Variants in GAS7 observed in about 807,000 individuals in gnomAD.
The protein encoded by GAS7 is growth arrest-specific protein 7.
A neutral mutation model predicts 71.1 loss-of-function variants in GAS7; 28 were observed. The observed-to-expected ratio is 0.39, with a 90% CI of 0.29 to 0.54. GAS7 has a LOEUF of 0.54. Among genes scored for constraint, GAS7 ranks in the 20% least tolerant of loss-of-function variants. The pLI, the probability that GAS7 is intolerant of heterozygous loss-of-function variation, is 0.62. For synonymous variants in GAS7, 258 were observed against 245.8 expected (o/e 1.05, Z -0.46); for missense variants, 436 against 627.8 (o/e 0.69, Z 3.27).
At position 10,060,544 on chromosome 17, in the gene GAS7, C is replaced by T. The variant is rs748015300; in HGVS notation, c.184-40647G>A. 3.3e-5 allele frequency among the ~76,000 whole-genome samples: 5 copies of T among 152,128 alleles called. No homozygotes were observed. In the South Asian group the frequency reaches 6.2e-4, roughly 19 times the overall value. ...ACACCTGGCCACCACCCAGAAAGCC[C>T]GCAGTCCCCAAGACAGAATGCCTAG... On this transcript the variant is annotated intron_variant, in intron 1 of 13. Transcript: ENST00000432992.
chr17:10,084,357 T>C (rs527550996), intron 1 of GAS7, among the ~76,000 whole-genome samples: 6 of 152,298 alleles, frequency 3.9e-5, no homozygotes, highest in Admixed American at 6.5e-5. Context: ...AAAGGGTCCG[T>C]TGAGATCAGC....
intron 1 of GAS7, among the ~76,000 whole-genome samples, chr17:10,169,910 C>T (rs976281286): frequency 6.6e-6 from 1 of 152,130 alleles, no homozygotes; most frequent in African/African-American, 2.4e-5. Context: ...CTGCTGCTTC[C>T]GTTCCTCACC....
intron 1 of GAS7, among the ~76,000 whole-genome samples, chr17:10,053,312 G>A (rs926215387): frequency 1.3e-5 from 2 of 152,142 alleles, no homozygotes; most frequent in African/African-American, 2.4e-5. Flanking sequence ...CTTGGCTCAC[G>A]TGCACTGCCC....
intron 1 of GAS7, among the ~76,000 whole-genome samples, chr17:10,106,791 C>G (rs1474223543): frequency 7.2e-6 from 1 of 138,104 alleles, no homozygotes; most frequent in African/African-American, 2.7e-5. Context: ...CCCCCCCCCC[C>G]AAATATATTA....
chr17:10,184,464 A>G (rs2074437801), intron 1 of GAS7, among the ~76,000 whole-genome samples: 1 of 152,240 alleles, frequency 6.6e-6, no homozygotes, highest in Admixed American at 6.5e-5. Flanking sequence ...AAAGAGAAAG[A>G]ATGAAAGTAA....
intron 2 of GAS7, among the ~76,000 whole-genome samples, chr17:10,015,007 T>A (rs1197405184): frequency 2.0e-5 from 3 of 151,608 alleles, no homozygotes; most frequent in African/African-American, 4.9e-5. Flanking sequence ...TACAAAAAAA[T>A]AGCTGGGTGT....
intron 2 of GAS7, among the ~76,000 whole-genome samples, chr17:9,984,459 G>A (rs1012546884): frequency 2.6e-5 from 4 of 152,160 alleles, no homozygotes; most frequent in African/African-American, 9.7e-5. Flanking sequence ...CAGAGACGGT[G>A]TGAACATAAA....
At chr17:10,117,246 A>G (rs2073868966) in intron 1 of GAS7, among the ~76,000 whole-genome samples, 1 of 151,678 alleles carries the variant, frequency 6.6e-6, no homozygotes, top group Admixed American at 6.6e-5. Context: ...ATCTCCTAAC[A>G]CTGATTCTGG....
At chr17:10,184,693 G>C (rs759370109) in intron 1 of GAS7, among the ~76,000 whole-genome samples, 8 of 152,078 alleles carry the variant, frequency 5.3e-5, no homozygotes, top group Non-Finnish European at 7.4e-5. Flanking sequence ...TCAAACCCTT[G>C]GAATTTCCTG....
intron 1 of GAS7, among the ~76,000 whole-genome samples, chr17:10,023,690 G>T (rs1435256555): frequency 1.3e-5 from 2 of 152,244 alleles, no homozygotes; most frequent in Non-Finnish European, 2.9e-5. Context: ...CTGGGGAGGG[G>T]AGAATGGGTA....
rs2067567677 is a variant in GAS7, at chr17:9,915,811, C to T, written c.*1417G>A. 3 of 230,938 alleles carry T rather than the reference C, an allele frequency of 1.3e-5. No homozygotes were observed. Among genetic ancestry groups the T allele is most frequent in the African/African-American group, 2.2e-5 (1 of 45,216 alleles). The allele number at this position is 230,938 out of a possible 1,614,324, so 14.3% of individuals were successfully genotyped here. On this transcript the variant is annotated 3_prime_UTR_variant, in exon 14 of 14. Transcript: ENST00000432992. ...GACTAGAATCTGCCCCTCGCTCATG[C>T]TTCTCCCGGCCCCTTTAGACTCTTT...
intron 1 of GAS7, among the ~76,000 whole-genome samples, chr17:10,083,862 G>A (rs907796443): frequency 6.6e-6 from 1 of 152,176 alleles, no homozygotes; most frequent in Non-Finnish European, 1.5e-5. Context: ...GGAAAGGGTA[G>A]GTATACATAA....
chr17:10,093,235 G>A (rs2073603410), intron 1 of GAS7, among the ~76,000 whole-genome samples: 1 of 152,190 alleles, frequency 6.6e-6, no homozygotes, highest in Non-Finnish European at 1.5e-5. Context: ...TTGCTTCTAT[G>A]AGTCCATTCA....
At chr17:10,120,453 T>G (rs2073895348) in intron 1 of GAS7, among the ~76,000 whole-genome samples, 2 of 152,104 alleles carry the variant, frequency 1.3e-5, no homozygotes, top group African/African-American at 4.8e-5. Context: ...AGGTCTGTTC[T>G]CAAAAGCACA....
intron 1 of GAS7, among the ~76,000 whole-genome samples, chr17:10,184,538 T>C (rs2142146750): frequency 1.3e-5 from 2 of 152,214 alleles, no homozygotes; most frequent in East Asian, 3.9e-4. Context: ...CCCCTAAGGG[T>C]ATTCAAATGC....
chr17:10,108,261 G>C (rs2073778719), intron 1 of GAS7, among the ~76,000 whole-genome samples: 1 of 152,232 alleles, frequency 6.6e-6, no homozygotes, highest in South Asian at 2.1e-4. Flanking sequence ...TAACCCAAAA[G>C]AAAGGGCCTT....
intron 5 of GAS7, among the ~76,000 whole-genome samples, chr17:9,948,871 T>C (rs2068893163): frequency 6.6e-6 from 1 of 152,184 alleles, no homozygotes; most frequent in Non-Finnish European, 1.5e-5. Flanking sequence ...GCGGGCTAAT[T>C]TGCTTCCTCT....
chr17:10,150,857 G>A (rs1184824444), intron 1 of GAS7, among the ~76,000 whole-genome samples: 1 of 152,098 alleles, frequency 6.6e-6, no homozygotes, highest in Non-Finnish European at 1.5e-5. Context: ...CCAAGCTGCT[G>A]GGATTACAGG....
intron 1 of GAS7, among the ~76,000 whole-genome samples, chr17:10,071,359 T>C (rs911885280): frequency 6.6e-6 from 1 of 152,098 alleles, no homozygotes; most frequent in African/African-American, 2.4e-5. Context: ...CAGGATACAT[T>C]ATTTTCCCAG....
Sources: gnomAD v4.1 joint callset for allele counts (sites outside exome capture counted in the v4.1 genomes callset) on GRCh38, gnomAD v4.1.1 for gene constraint, MANE v1.5 for transcripts, NCBI Gene and HGNC (gene_info 2026-07-23, HGNC 2026-07-21) for gene names.